Variants in NUDT16L1 observed in about 807,000 individuals in gnomAD.
NUDT16L1 encodes the protein nudix hydrolase 16 like 1, also known as tudor-interacting repair regulator protein.
Under a neutral mutation model 17.3 loss-of-function variants are expected in NUDT16L1, and 19 were observed. The observed-to-expected ratio is 1.10, with a 90% CI of 0.77 to 1.61. NUDT16L1 has a LOEUF of 1.61. Ranked by LOEUF, NUDT16L1 falls within the 40% of genes most tolerant of loss-of-function variation. NUDT16L1 has a pLI of 0.00. For synonymous variants in NUDT16L1, 255 were observed against 138.6 expected, an observed-to-expected ratio of 1.84 and a Z score of -5.90; for missense variants, 341 against 292.0, an observed-to-expected ratio of 1.17 and a Z score of -1.22.
chr16:4,693,576 G>A, upstream of NUDT16L1: 1 of 867,464 alleles, frequency 1.2e-6, no homozygotes, highest in Non-Finnish European at 1.5e-6. Flanking sequence ...ACGCACCGCG[G>A]CGCTGCGAGG....
rs1177500456 is a variant in NUDT16L1 at position 4,695,467 on chromosome 16, C to T, written c.*288C>T. ...GCTCAGACCCTCCTCTTGTACGTCTCATCACAGCTGGTAGAGACCCAGGAG... is the reference window on the plus strand; with the variant it reads ...GCTCAGACCCTCCTCTTGTACGTCTTATCACAGCTGGTAGAGACCCAGGAG... On this transcript the variant is annotated 3_prime_UTR_variant, in exon 3 of 3. Coordinates refer to ENST00000304301, the Ensembl canonical transcript of NUDT16L1. 23 of 582,216 alleles carry T rather than the reference C, an allele frequency of 4.0e-5. No homozygotes were observed. The East Asian group carries it at 6.2e-4, about 16-fold the overall frequency. 36.1% of individuals were successfully genotyped at this position (582,216 alleles called of 1,614,324 possible).
chr16:4,695,801 C>T (rs998354257), exon 3 of NUDT16L1: 7 of 388,152 alleles, frequency 1.8e-5, no homozygotes, highest in African/African-American at 2.1e-5. Context: ...CTATGTACAA[C>T]GAAGCTGTCG....
intron 2 of NUDT16L1, chr16:4,694,716 G>A (rs1216331639): frequency 7.0e-7 from 1 of 1,425,104 alleles, no homozygotes; most frequent in Non-Finnish European, 9.1e-7. Context: ...CCCCGGGGTG[G>A]GGTGGCCTGG....
At chr16:4,694,847 C>T (rs1027900002) in intron 2 of NUDT16L1, 111 bp from the exon 3 acceptor site, 5 of 1,475,942 alleles carry the variant, frequency 3.4e-6, no homozygotes, top group African/African-American at 2.8e-5. Flanking sequence ...CCATTAAGTC[C>T]TTGGCAAAGC....
chr16:4,695,656 G>GTTAA (rs2079525855), exon 3 of NUDT16L1: 1 of 408,024 alleles, frequency 2.5e-6, no homozygotes, highest in Non-Finnish European at 4.3e-6. Context: ...TAATAATACT[G>GTTAA]TTAATTTGGG....
At chr16:4,695,793 A>G (rs564353183) in exon 3 of NUDT16L1, 2 of 393,318 alleles carry the variant, frequency 5.1e-6, no homozygotes, top group South Asian at 1.4e-4. Context: ...GGGCCCAGCT[A>G]TGTACAACGA....
exon 3 of NUDT16L1, chr16:4,695,328 C>T (rs965929647): frequency 1.5e-5 from 12 of 815,012 alleles, no homozygotes; most frequent in Admixed American, 5.5e-5. Context: ...CCCAAGCAGT[C>T]ACTAGGTGGC....
exon 2 of NUDT16L1, chr16:4,694,137 C>A: frequency 6.3e-7 from 1 of 1,589,032 alleles, no homozygotes; most frequent in South Asian, 1.1e-5. Flanking sequence ...GACCGAGGGC[C>A]CACACCGCGT....
At chr16:4,694,984 G>A (rs372562614) in exon 3 of NUDT16L1, 1 of 1,611,448 alleles carries the variant, frequency 6.2e-7, no homozygotes, top group Non-Finnish European at 8.5e-7. Flanking sequence ...GGGTCCCGCT[G>A]TACACCCAGA....
At chr16:4,694,907 G>C in intron 2 of NUDT16L1, 51 bp from the exon 3 acceptor site, 1 of 1,556,064 alleles carries the variant, frequency 6.4e-7, no homozygotes, top group Non-Finnish European at 8.7e-7. Flanking sequence ...CCTGCTGGAG[G>C]TGCCATTGTG....
At position 4,693,892 on chromosome 16, in the gene NUDT16L1, G is replaced by A. The variant is rs1319368737; in HGVS notation, c.153+13G>A. Reference sequence around the variant, plus strand: ...CTTCTCGGTGCTGGTGAGGACGGGCGAGGGCGCGGGCGAGGGTGCCGGCGC... The same window carrying A: ...CTTCTCGGTGCTGGTGAGGACGGGCAAGGGCGCGGGCGAGGGTGCCGGCGC... On this transcript the variant is annotated intron_variant, in intron 1 of 2. Transcript: ENST00000304301. 1 of 1,494,508 alleles carries A rather than the reference G, an allele frequency of 6.7e-7. No individual in the cohort carries two copies. The highest frequency in any genetic ancestry group is 2.5e-5 in the Admixed American group (1 of 40,044). 92.6% of individuals were successfully genotyped at this position (1,494,508 alleles called of 1,614,324 possible). A position where few individuals can be genotyped will look rare whatever the true frequency, so the allele number is the denominator to read the frequency against.
chr16:4,694,796 G>C, intron 2 of NUDT16L1, 162 bp from the exon 3 acceptor site: 1 of 1,443,354 alleles, frequency 6.9e-7, no homozygotes, highest in South Asian at 1.5e-5. Flanking sequence ...GCACTGCTCC[G>C]AGGGAGCTGG....
exon 3 of NUDT16L1, chr16:4,695,812 AAGG>A (rs1232924921): frequency 3.1e-5 from 12 of 384,116 alleles, no homozygotes; most frequent in East Asian, 3.0e-4. Context: ...GAAGCTGTCG[AAGG>A]AGAAGACAAT....
At chr16:4,693,994 A>C (rs1320728109) in exon 2 of NUDT16L1, 1 of 1,578,342 alleles carries the variant, frequency 6.3e-7, no homozygotes, top group African/African-American at 1.4e-5. Flanking sequence ...ATGCGTTTCG[A>C]CGGGCTGCTG....
chr16:4,695,375 C>T, exon 3 of NUDT16L1: 1 of 618,796 alleles, frequency 1.6e-6, no homozygotes, highest in Non-Finnish European at 2.8e-6. Flanking sequence ...TCCTCTCAGG[C>T]AGAGCAGGGT....
chr16:4,694,169 G>A (rs761383568), exon 2 of NUDT16L1: 5 of 1,581,878 alleles, frequency 3.2e-6, no homozygotes, highest in Non-Finnish European at 3.4e-6. Flanking sequence ...TGTACGCGCG[G>A]CAGCTGACGC....
At chr16:4,694,856 G>A (rs1381358547) in intron 2 of NUDT16L1, 102 bp from the exon 3 acceptor site, 10 of 1,481,654 alleles carry the variant, frequency 6.7e-6, no homozygotes, top group Non-Finnish European at 8.0e-6. Context: ...CCTTGGCAAA[G>A]CTGGCTGCTC....
At chr16:4,694,623 G>A in intron 2 of NUDT16L1, 3 of 1,426,304 alleles carry the variant, frequency 2.1e-6, no homozygotes, top group South Asian at 1.5e-5. Context: ...AAGGCTCTTG[G>A]GATTTGTACT....
At position 4,695,029 on chromosome 16, in the gene NUDT16L1, C is replaced by T. The variant is rs146701095; in HGVS notation, c.486C>T (p.Ser162=). Residue 162 remains serine (S), a synonymous_variant, in exon 3 of 3, where the codon AGC becomes AGT. Transcript: ENST00000304301. ...TCGGAGGCTTCCCCAACTTCCTGAG[C>T]AACGCCTTCGTGAGCACGGCTAAGT... The T allele has an allele frequency of 7.3e-4, 1,184 of 1,613,374 alleles. 2 individuals carry two copies. Among genetic ancestry groups the T allele is most frequent in the Non-Finnish European group, 9.2e-4 (1,091 of 1,180,026 alleles).
Sources: gnomAD v4.1 joint callset for allele counts on GRCh38, gnomAD v4.1.1 for gene constraint, MANE v1.5 for transcripts, NCBI Gene and HGNC (gene_info 2026-07-23, HGNC 2026-07-21) for gene names.